The following LANCL2 variants were observed in gnomAD, a reference collection of about 807,000 sequenced individuals.
LANCL2 encodes LanC like glutathione S-transferase 2.
A neutral mutation model predicts 56.9 loss-of-function variants in LANCL2; 33 were observed. The observed-to-expected ratio is 0.58, with a 90% CI of 0.44 to 0.78. The LOEUF (loss-of-function observed/expected upper bound fraction) is 0.78. LANCL2 is among the 30% of genes least tolerant of loss of function. The probability of loss-of-function intolerance (pLI) is 0.00; values close to 1 mark genes in which losing one functional copy is unlikely to be tolerated. For missense variants in LANCL2, 562 were observed against 580.2 expected (o/e 0.97, Z 0.32); for synonymous variants, 233 against 228.2 (o/e 1.02, Z -0.19).
intron 1 of LANCL2, among the ~76,000 whole-genome samples, chr7:55,377,003 G>A (rs946161594): frequency 1.4e-4 from 21 of 152,124 alleles, no homozygotes; most frequent in African/African-American, 4.3e-4. Context: ...CATATATGAA[G>A]TTGTTAATAT....
At chr7:55,412,269 A>G (rs1790479936) in intron 6 of LANCL2, among the ~76,000 whole-genome samples, 180 bp downstream of exon 6, 1 of 152,152 alleles carries the variant, frequency 6.6e-6, no homozygotes, top group African/African-American at 2.4e-5. Context: ...TAGTGCTGCA[A>G]GTCTGTGTGT....
At chr7:55,422,019 A>G (rs1000512149) in intron 6 of LANCL2, among the ~76,000 whole-genome samples, 3 of 152,194 alleles carry the variant, frequency 2.0e-5, no homozygotes, top group Admixed American at 1.3e-4. Flanking sequence ...GGTGTGAACT[A>G]CCATAGGGGC....
chr7:55,380,869 CTTTT>C (rs66710499), intron 1 of LANCL2, among the ~76,000 whole-genome samples: 2 of 118,592 alleles, frequency 1.7e-5, no homozygotes, highest in Non-Finnish European at 3.5e-5. Context: ...GAGTGAATTT[CTTTT>C]TTTTTTTTTT....
rs752374712 is a variant in LANCL2 at position 55,412,107 on chromosome 7, C to CA, written c.1008+19dup. The CA allele has an allele frequency of 1.2e-6, 2 of 1,600,044 alleles. No homozygotes were observed. The highest frequency in any genetic ancestry group is 2.2e-5 in the South Asian group (2 of 89,464). Reference sequence around the variant, plus strand: ...CGTACAAGGTCAGTGCTTCCGCCGTCACGGCCGTCCCCTGTGTGGGGAGCC... The same window carrying CA: ...CGTACAAGGTCAGTGCTTCCGCCGTCAACGGCCGTCCCCTGTGTGGGGAGCC... On this transcript the variant is annotated intron_variant, in intron 6 of 8. Transcript: ENST00000254770.
chr7:55,365,999 C>T lies in LANCL2; in HGVS notation c.-27C>T. The T allele has an allele frequency of 7.1e-7, 1 of 1,413,712 alleles. No homozygotes were observed. The highest frequency in any genetic ancestry group is 9.3e-7 in the Non-Finnish European group (1 of 1,077,302). The allele number at this position is 1,413,712 out of a possible 1,614,324, so 87.6% of individuals were successfully genotyped here. A position where few individuals can be genotyped will look rare whatever the true frequency, so the allele number is the denominator to read the frequency against. On this transcript the variant is annotated 5_prime_UTR_variant, in exon 1 of 9. Transcript: ENST00000254770. Reference sequence around the variant, plus strand: ...CAGCGCCGGGACAGGAGGTTTGTCCCCGCCCGCGCGCCGTACCGCGGCGGA... The same window carrying T: ...CAGCGCCGGGACAGGAGGTTTGTCCTCGCCCGCGCGCCGTACCGCGGCGGA...
At chr7:55,378,675 T>A (rs1466428798) in intron 1 of LANCL2, among the ~76,000 whole-genome samples, 1 of 152,164 alleles carries the variant, frequency 6.6e-6, no homozygotes, top group Non-Finnish European at 1.5e-5. Flanking sequence ...ACATGAGAAT[T>A]TGGTTCCAGT....
chr7:55,414,926 G>A (rs1214832225), intron 6 of LANCL2, among the ~76,000 whole-genome samples: 3 of 141,606 alleles, frequency 2.1e-5, no homozygotes, highest in African/African-American at 7.9e-5. Context: ...GGAGGTTGCA[G>A]TGAGCTATGA....
chr7:55,420,101 TTTC>T (rs1790592670), intron 6 of LANCL2, among the ~76,000 whole-genome samples: 1 of 106,846 alleles, frequency 9.4e-6, no homozygotes, highest in African/African-American at 3.2e-5. Context: ...ATAAAATTTC[TTTC>T]TATGGACTTT....
At chr7:55,419,958 A>G (rs1227423084) in intron 6 of LANCL2, among the ~76,000 whole-genome samples, 2 of 152,188 alleles carry the variant, frequency 1.3e-5, no homozygotes, top group African/African-American at 4.8e-5. Flanking sequence ...TTCAAGACCA[A>G]CCTGGGCAAC....
rs1790549257 is a variant in LANCL2 at position 55,416,988 on chromosome 7, T to TTTTTTTTG, written c.1008+4906_1008+4907insGTTTTTTT. On this transcript the variant is annotated intron_variant, in intron 6 of 8. Transcript: ENST00000254770. Reference sequence around the variant, plus strand: ...GAGGTGGTTTTTTTTTTTTTTTTTTTTTTTTTTTGGAGACAGAGTCTCACT... The same window carrying TTTTTTTTG: ...GAGGTGGTTTTTTTTTTTTTTTTTTTTTTTTTTGTTTTTTTTGGAGACAGAGTCTCACT... Among the ~76,000 whole-genome samples, 6 of 140,220 alleles carry TTTTTTTTG rather than the reference T, an allele frequency of 4.3e-5. No individual in the cohort carries two copies. The South Asian group carries it at 1.4e-3, about 33-fold the overall frequency. The allele number at this position is 140,220 out of a possible 152,430, so 92.0% of individuals were successfully genotyped here. A position where few individuals can be genotyped will look rare whatever the true frequency, so the allele number is the denominator to read the frequency against.
chr7:55,396,619 C>T (rs1790256054), intron 2 of LANCL2, among the ~76,000 whole-genome samples: 1 of 152,236 alleles, frequency 6.6e-6, no homozygotes, highest in Non-Finnish European at 1.5e-5. Flanking sequence ...CAGCACCTCC[C>T]ACCACATCCC....
chr7:55,399,103 A>G (rs1790290168), intron 3 of LANCL2, among the ~76,000 whole-genome samples: 1 of 151,990 alleles, frequency 6.6e-6, no homozygotes, highest in Non-Finnish European at 1.5e-5. Context: ...TAGTCAGTTA[A>G]TGTTTGTTGA....
In LANCL2 at chr7:55,400,034, A is replaced by G. The variant is rs551692402; in HGVS notation, c.608A>G (p.Tyr203Cys). ...GAGCTGCTTTATGGACGGGCAGGTT[A>G]TCTGTATGCCTTACTGTACCTGAAC... ...PDELLYGRAGYLYALLYLNTE... is the reference protein window; with the variant it reads ...PDELLYGRAGCLYALLYLNTE... The change falls in exon 4 of 9, where the codon TAT becomes TGT. Residue 203 changes from tyrosine to cysteine, a missense_variant. Coordinates refer to ENST00000254770, the MANE Select transcript of LANCL2 (RefSeq NM_018697.4). 8 of 1,613,876 alleles carry G rather than the reference A, an allele frequency of 5.0e-6. No individual in the cohort carries two copies. In the South Asian group the frequency reaches 7.7e-5, roughly 16 times the overall value.
intron 1 of LANCL2, among the ~76,000 whole-genome samples, chr7:55,379,168 C>A (rs1790037518): frequency 6.6e-6 from 1 of 152,100 alleles, no homozygotes; most frequent in Non-Finnish European, 1.5e-5. Flanking sequence ...CAAAACAAAA[C>A]AAAACTCCAG....
At chr7:55,410,221 T>C (rs1790456213) in intron 5 of LANCL2, among the ~76,000 whole-genome samples, 1 of 152,232 alleles carries the variant, frequency 6.6e-6, no homozygotes, top group African/African-American at 2.4e-5. Context: ...TTTTTTGACA[T>C]TTTAAAGTGG....
At chr7:55,415,769 A>G (rs1224560048) in intron 6 of LANCL2, among the ~76,000 whole-genome samples, 1 of 151,808 alleles carries the variant, frequency 6.6e-6, no homozygotes, top group African/African-American at 2.4e-5. Context: ...ACACGTCACC[A>G]TGCCTGGCTA....
intron 8 of LANCL2, among the ~76,000 whole-genome samples, chr7:55,429,530 C>T (rs1204705201): frequency 1.3e-5 from 2 of 152,158 alleles, no homozygotes; most frequent in East Asian, 3.8e-4. Context: ...AGTTTTCATA[C>T]TGGTAATATT....
chr7:55,421,543 G>T (rs530130383), intron 6 of LANCL2, among the ~76,000 whole-genome samples: 2 of 151,890 alleles, frequency 1.3e-5, no homozygotes, highest in Non-Finnish European at 2.9e-5. Flanking sequence ...GGGTTTCACC[G>T]TGTTGGCCAG....
chr7:55,407,405 A>C (rs900714453), intron 5 of LANCL2, among the ~76,000 whole-genome samples: 7 of 152,224 alleles, frequency 4.6e-5, no homozygotes, highest in African/African-American at 1.7e-4. Flanking sequence ...CAAGTAGCTC[A>C]GATAAAAGTT....
Sources: allele counts gnomAD v4.1 joint callset (sites outside exome capture counted in the v4.1 genomes callset), GRCh38; gene constraint gnomAD v4.1.1; transcripts MANE v1.5; gene names NCBI Gene and HGNC (gene_info 2026-07-23, HGNC 2026-07-21).